The following ADAMTS18 variants were observed in gnomAD, a reference collection of about 807,000 sequenced individuals.
The protein encoded by ADAMTS18 is ADAM metallopeptidase with thrombospondin type 1 motif 18.
ADAMTS18 carries 157 observed loss-of-function variants against 165.9 expected under a neutral mutation model. The ratio of observed to expected loss-of-function variants is 0.95; its 90% CI spans 0.83 to 1.08. ADAMTS18 has a LOEUF of 1.08. ADAMTS18 is among the 50% of genes least tolerant of loss of function. The probability of loss-of-function intolerance (pLI) is 0.00; values close to 1 mark genes in which losing one functional copy is unlikely to be tolerated. For missense variants in ADAMTS18, 2,040 were observed against 1,534.0 expected, an observed-to-expected ratio of 1.33 and a Z score of -5.51; for synonymous variants, 782 against 578.2, an observed-to-expected ratio of 1.35 and a Z score of -5.06.
At chr16:77,434,291 C>T (rs755521916) in intron 2 of ADAMTS18, 127 bp downstream of exon 2, 1 of 1,117,114 alleles carries the variant, frequency 9.0e-7, no homozygotes, top group East Asian at 2.6e-5. Flanking sequence ...CAAACAGGAA[C>T]CATTTCCAAG....
Position 77,391,310 on chromosome 16 carries a change from C to G in ADAMTS18, c.496-23587G>C, listed in dbSNP as rs149941069. Among the ~76,000 whole-genome samples, 133 of 152,270 alleles carry G rather than the reference C, an allele frequency of 8.7e-4. 1 individual carries two copies. The East Asian group carries it at 0.024, about 28-fold the overall frequency. On this transcript the variant is annotated intron_variant, in intron 3 of 22. Transcript: ENST00000282849. ...CTGAGGTCAGGAGTTCAAGACCAAACTGGCCAACATGGTGAAACTCTGTCT... is the reference window on the plus strand; with the variant it reads ...CTGAGGTCAGGAGTTCAAGACCAAAGTGGCCAACATGGTGAAACTCTGTCT...
chr16:77,350,897 C>T (rs764073596), intron 10 of ADAMTS18, among the ~76,000 whole-genome samples: 1 of 151,990 alleles, frequency 6.6e-6, no homozygotes, highest in Non-Finnish European at 1.5e-5. Context: ...ACTATGCAAC[C>T]CTTTCACTAT....
chr16:77,303,530 T>C (rs563980019), intron 16 of ADAMTS18, among the ~76,000 whole-genome samples: 7 of 152,282 alleles, frequency 4.6e-5, no homozygotes, highest in Non-Finnish European at 8.8e-5. Context: ...TGGTGTTACT[T>C]TAACTTTTAT....
chr16:77,400,475 TG>T (rs1567541732), intron 3 of ADAMTS18, among the ~76,000 whole-genome samples: 6 of 125,698 alleles, frequency 4.8e-5, no homozygotes, highest in Non-Finnish European at 1.1e-4. Flanking sequence ...TGTGTGTGTG[TG>T]TGTGTTTTGT....
intron 16 of ADAMTS18, among the ~76,000 whole-genome samples, chr16:77,307,739 C>T (rs545745343): frequency 6.2e-4 from 94 of 152,274 alleles, no homozygotes; most frequent in Non-Finnish European, 1.2e-3. Context: ...CTTGTGTCTT[C>T]ACTCAGTCCA....
intron 3 of ADAMTS18, among the ~76,000 whole-genome samples, chr16:77,401,745 T>A (rs148795507): frequency 6.6e-6 from 1 of 152,304 alleles, no homozygotes; most frequent in Non-Finnish European, 1.5e-5. Context: ...CAGAGAAGCA[T>A]CATCTAATTT....
At chr16:77,422,709 A>G (rs1386696697) in intron 3 of ADAMTS18, among the ~76,000 whole-genome samples, 2 of 152,098 alleles carry the variant, frequency 1.3e-5, no homozygotes, top group Admixed American at 6.6e-5. Flanking sequence ...GAGCCAAAAA[A>G]ATGCATATTT....
chr16:77,338,494 C>A (rs2056346621), intron 11 of ADAMTS18, among the ~76,000 whole-genome samples: 1 of 151,880 alleles, frequency 6.6e-6, no homozygotes, highest in African/African-American at 2.4e-5. Flanking sequence ...GCCGAGGCCC[C>A]CCAAAGTGCT....
chr16:77,383,306 T>C (rs1171978582), intron 3 of ADAMTS18, among the ~76,000 whole-genome samples: 1 of 152,144 alleles, frequency 6.6e-6, no homozygotes, highest in East Asian at 1.9e-4. Flanking sequence ...GAAATGGATT[T>C]CAAGACACTT....
At chr16:77,322,240 C>T in intron 14 of ADAMTS18, 96 bp downstream of exon 14, 3 of 1,498,362 alleles carry the variant, frequency 2.0e-6, no homozygotes, top group Non-Finnish European at 1.8e-6. Context: ...CTGCTCTTCT[C>T]CAGACACACA....
chr16:77,375,738 C>A (rs1197090691), intron 3 of ADAMTS18, among the ~76,000 whole-genome samples: 1 of 152,136 alleles, frequency 6.6e-6, no homozygotes, highest in Non-Finnish European at 1.5e-5. Flanking sequence ...TAAAGAACTA[C>A]CTGAGAATTG....
intron 3 of ADAMTS18, chr16:77,378,759 G>A (rs1312982107): frequency 6.6e-6 from 1 of 151,908 alleles, no homozygotes; most frequent in South Asian, 2.1e-4. Context: ...TAAAAATAGT[G>A]CTCAGGACAT....
intron 16 of ADAMTS18, among the ~76,000 whole-genome samples, chr16:77,317,009 TC>T: frequency 6.6e-6 from 1 of 152,268 alleles, no homozygotes; most frequent in African/African-American, 2.4e-5. Flanking sequence ...GTGAATTTCC[TC>T]TGCTCTTTAC....
intron 20 of ADAMTS18, among the ~76,000 whole-genome samples, 179 bp from the exon 21 acceptor site, chr16:77,291,657 G>C (rs1159468426): frequency 1.3e-5 from 2 of 152,212 alleles, no homozygotes; most frequent in East Asian, 3.9e-4. Flanking sequence ...TCATGCTATA[G>C]GTAAGGAAAC....
At chr16:77,385,444 G>A (rs920359241) in intron 3 of ADAMTS18, among the ~76,000 whole-genome samples, 1 of 152,140 alleles carries the variant, frequency 6.6e-6, no homozygotes, top group African/African-American at 2.4e-5. Flanking sequence ...ACATTTGCAA[G>A]ACAGGGATTC....
chr16:77,370,367 G>A (rs183933930), intron 3 of ADAMTS18, among the ~76,000 whole-genome samples: 2 of 152,268 alleles, frequency 1.3e-5, no homozygotes, highest in East Asian at 3.9e-4. Flanking sequence ...TATTAGAATA[G>A]AGGAACACAG....
intron 22 of ADAMTS18, among the ~76,000 whole-genome samples, chr16:77,284,726 G>A (rs1292913843): frequency 6.6e-6 from 1 of 152,128 alleles, no homozygotes; most frequent in Admixed American, 6.5e-5. Flanking sequence ...CAGTGTCCAG[G>A]GAAATACCCT....
At chr16:77,362,382 A>C in intron 6 of ADAMTS18, 118 bp from the exon 7 acceptor site, 5 of 1,132,786 alleles carry the variant, frequency 4.4e-6, no homozygotes, top group South Asian at 1.3e-5. Context: ...ATCAGTAAAC[A>C]CTTGAGCTAA....
chr16:77,366,945 T>A (rs1217670049), intron 4 of ADAMTS18, among the ~76,000 whole-genome samples: 1 of 152,206 alleles, frequency 6.6e-6, no homozygotes, highest in African/African-American at 2.4e-5. Flanking sequence ...TATTTAAGGC[T>A]CGTGTTACAT....
Sources: gnomAD v4.1 joint callset for allele counts (sites outside exome capture counted in the v4.1 genomes callset) on GRCh38, gnomAD v4.1.1 for gene constraint, MANE v1.5 for transcripts, NCBI Gene and HGNC (gene_info 2026-07-23, HGNC 2026-07-21) for gene names.